Variants in SPECC1 observed in about 807,000 individuals in gnomAD.
SPECC1 encodes sperm antigen with calponin homology and coiled-coil domains 1.
Under a neutral mutation model 104.1 loss-of-function variants are expected in SPECC1, and 62 were observed. The observed-to-expected ratio is 0.60, with a 90% CI of 0.49 to 0.74. SPECC1 has a LOEUF of 0.74. Among genes scored for constraint, SPECC1 ranks in the 30% least tolerant of loss-of-function variants. SPECC1 has a pLI of 0.00. For synonymous variants in SPECC1, 513 were observed against 501.6 expected, an observed-to-expected ratio of 1.02 and a Z score of -0.30; for missense variants, 1,306 against 1,310.5, an observed-to-expected ratio of 1.00 and a Z score of 0.05.
chr17:20,268,578 A>T (rs147984926), intron 12 of SPECC1, among the ~76,000 whole-genome samples: 1 of 152,290 alleles, frequency 6.6e-6, no homozygotes, highest in Non-Finnish European at 1.5e-5. Context: ...CCTTTCCCTG[A>T]CTTAGATGAT....
chr17:20,231,630 A>C (rs1292642638), intron 5 of SPECC1, 128 bp from the exon 6 acceptor site: 2 of 772,470 alleles, frequency 2.6e-6, no homozygotes, highest in Admixed American at 2.1e-5. Flanking sequence ...AGTTGCATTT[A>C]GAGTAGAATG....
At chr17:20,051,068 T>TTCTCTCTC (rs1555597662) in intron 1 of SPECC1, among the ~76,000 whole-genome samples, 2 of 90,696 alleles carry the variant, frequency 2.2e-5, no homozygotes, top group Non-Finnish European at 4.5e-5. Flanking sequence ...CTTTCTTTCT[T>TTCTCTCTC]TTTCTTTCTT....
At chr17:20,034,506 C>CA (rs2044975847) in intron 1 of SPECC1, among the ~76,000 whole-genome samples, 3 of 152,066 alleles carry the variant, frequency 2.0e-5, no homozygotes, top group Non-Finnish European at 2.9e-5. Flanking sequence ...GCTGGAATTA[C>CA]AGGCATGAGC....
chr17:20,170,124 G>A (rs193152030), intron 3 of SPECC1, among the ~76,000 whole-genome samples: 69 of 152,272 alleles, frequency 4.5e-4, no homozygotes, highest in African/African-American at 1.5e-3. Flanking sequence ...CAGTTTGTCC[G>A]CTACCTTCTT....
At chr17:20,273,846 G>T (rs778619236) in intron 12 of SPECC1, among the ~76,000 whole-genome samples, 5 of 152,130 alleles carry the variant, frequency 3.3e-5, no homozygotes, top group Non-Finnish European at 7.4e-5. Flanking sequence ...CCAATGTTTT[G>T]TCTTTTTGCT....
intron 2 of SPECC1, among the ~76,000 whole-genome samples, chr17:20,108,457 A>G (rs1472668339): frequency 1.3e-5 from 2 of 152,190 alleles, no homozygotes; most frequent in African/African-American, 4.8e-5. Flanking sequence ...AATATGTTGA[A>G]CGTTCCAGCA....
chr17:20,257,341 T>C (rs1379704940), intron 10 of SPECC1, 110 bp from the exon 11 acceptor site: 2 of 1,256,984 alleles, frequency 1.6e-6, no homozygotes, highest in African/African-American at 3.0e-5. Flanking sequence ...ACTATATATA[T>C]GTTTGCACTT....
chr17:20,262,116 A>G (rs912615434), intron 12 of SPECC1, among the ~76,000 whole-genome samples: 20 of 152,246 alleles, frequency 1.3e-4, no homozygotes, highest in African/African-American at 4.8e-4. Flanking sequence ...AGTGAGATTT[A>G]TCCTCATTGT....
intron 4 of SPECC1, among the ~76,000 whole-genome samples, chr17:20,206,480 C>CT (rs961100929): frequency 6.6e-6 from 1 of 152,138 alleles, no homozygotes; most frequent in Admixed American, 6.5e-5. Context: ...ATGTTATTAA[C>CT]TTTTTTTGCA....
intron 3 of SPECC1, among the ~76,000 whole-genome samples, chr17:20,128,995 C>T (rs1351176697): frequency 6.6e-6 from 1 of 151,966 alleles, no homozygotes; most frequent in African/African-American, 2.4e-5. Flanking sequence ...TGGCCTCAAA[C>T]GATCCTCCTG....
chr17:20,270,870 CCTA>C lies in SPECC1; in HGVS notation c.2940+10579_2940+10581del, dbSNP rs1490791733. ...TTATACATTCCCAATACTGGATACA[CCTA>C]CTCTTTTGATCTTTTTCAGCCTAAG... On this transcript the variant is annotated intron_variant, in intron 12 of 14. Coordinates refer to ENST00000395527, the MANE Select transcript of SPECC1 (RefSeq NM_001243439.2). 2.0e-5 allele frequency among the ~76,000 whole-genome samples: 3 copies of C among 152,270 alleles called. No individual in the cohort carries two copies. In the East Asian group the frequency reaches 5.8e-4, roughly 29 times the overall value.
At chr17:20,150,610 A>T (rs1209834161) in intron 3 of SPECC1, among the ~76,000 whole-genome samples, 1 of 150,864 alleles carries the variant, frequency 6.6e-6, no homozygotes, top group African/African-American at 2.4e-5. Flanking sequence ...CTGCACTCCA[A>T]CCTGGGCAAC....
At chr17:20,015,686 G>A (rs149261757) in intron 1 of SPECC1, among the ~76,000 whole-genome samples, 1 of 147,046 alleles carries the variant, frequency 6.8e-6, no homozygotes, top group African/African-American at 2.5e-5. Flanking sequence ...CCAGGTTCAC[G>A]CCATTCTCCT....
intron 3 of SPECC1, among the ~76,000 whole-genome samples, chr17:20,202,716 A>G (rs977670396): frequency 6.6e-6 from 1 of 152,182 alleles, no homozygotes; most frequent in Admixed American, 6.5e-5. Context: ...CTTCCGGTCA[A>G]CAATAGGCTA....
chr17:20,217,400 C>T (rs1225065777), intron 4 of SPECC1, among the ~76,000 whole-genome samples: 1 of 151,944 alleles, frequency 6.6e-6, no homozygotes, highest in East Asian at 1.9e-4. Context: ...TTTGCAGGTC[C>T]CCTCCCCCAT....
rs1261764061 is a variant in SPECC1, at chr17:20,110,460, A to G, written c.181A>G (p.Lys61Glu). The G allele has an allele frequency of 1.9e-6, 3 of 1,613,966 alleles. No homozygotes were observed. The Admixed American group carries it at 5.0e-5, about 27-fold the overall frequency. ...KRASSEDTLNKPGSTAASGVV... is the reference protein window; with the variant it reads ...KRASSEDTLNEPGSTAASGVV... ...GGCCAGCAGTGAGGACACGCTCAACAAGCCAGGAAGTACCGCTGCATCGGG... is the reference window on the plus strand; with the variant it reads ...GGCCAGCAGTGAGGACACGCTCAACGAGCCAGGAAGTACCGCTGCATCGGG... Residue 61 changes from lysine to glutamate, a missense_variant, in exon 3 of 15, where the codon AAG becomes GAG. Lys to Glu is a moderately conservative substitution (Grantham distance 56). Coordinates refer to ENST00000395527, the MANE Select transcript of SPECC1 (RefSeq NM_001243439.2).
chr17:20,163,269 T>C (rs949900318), intron 3 of SPECC1, among the ~76,000 whole-genome samples: 13 of 152,146 alleles, frequency 8.5e-5, no homozygotes, highest in South Asian at 2.1e-4. Flanking sequence ...AAAAAGTAGC[T>C]CTTGAAATTT....
chr17:20,051,050 CT>C lies in SPECC1; in HGVS notation c.-22+41629del, dbSNP rs1262970333. On this transcript the variant is annotated intron_variant, in intron 1 of 14. Coordinates refer to ENST00000395527, the MANE Select transcript of SPECC1 (RefSeq NM_001243439.2). ...GTAGGTCCCAAATAAGCACTTGGTT[CT>C]TTCTTTCTTTCTTTCTTTTTCTTTC... is the stretch of plus-strand genomic sequence containing the variant. Among the ~76,000 whole-genome samples, 3 of 137,402 alleles carry C rather than the reference CT, an allele frequency of 2.2e-5. No homozygotes were observed. The East Asian group carries it at 6.0e-4, about 27-fold the overall frequency. 90.1% of individuals were successfully genotyped at this position (137,402 alleles called of 152,430 possible). A position where few individuals can be genotyped will look rare whatever the true frequency, so the allele number is the denominator to read the frequency against.
intron 1 of SPECC1, among the ~76,000 whole-genome samples, chr17:20,025,506 G>T (rs2044564689): frequency 6.6e-6 from 1 of 152,118 alleles, no homozygotes; most frequent in African/African-American, 2.4e-5. Flanking sequence ...TTAGCATAAG[G>T]TTTCCGAGAT....
Sources: allele counts gnomAD v4.1 joint callset (sites outside exome capture counted in the v4.1 genomes callset), GRCh38; gene constraint gnomAD v4.1.1; transcripts MANE v1.5; gene names NCBI Gene and HGNC (gene_info 2026-07-23, HGNC 2026-07-21).